Variants in PRKACB observed in about 807,000 individuals in gnomAD.
PRKACB encodes the protein protein kinase cAMP-activated catalytic subunit beta.
Under a neutral mutation model 51.4 loss-of-function variants are expected in PRKACB, and 16 were observed. That is an observed-to-expected ratio of 0.31 (90% confidence interval 0.21 to 0.47). The LOEUF is 0.47. PRKACB is among the 20% of genes least tolerant of loss of function. The pLI, the probability that PRKACB is intolerant of heterozygous loss-of-function variation, is 1.00. For missense variants in PRKACB, 309 were observed against 464.5 expected, an observed-to-expected ratio of 0.67 and a Z score of 3.08; for synonymous variants, 147 against 154.4, an observed-to-expected ratio of 0.95 and a Z score of 0.35.
At chr1:84,125,147 C>A (rs1651458182) in intron 1 of PRKACB, among the ~76,000 whole-genome samples, 1 of 152,138 alleles carries the variant, frequency 6.6e-6, no homozygotes, top group African/African-American at 2.4e-5. Flanking sequence ...GAATTTACTT[C>A]CAAGCTGATC....
At chr1:84,180,005 C>A (rs1490027307) in intron 2 of PRKACB, among the ~76,000 whole-genome samples, 1 of 138,030 alleles carries the variant, frequency 7.2e-6, no homozygotes, top group East Asian at 2.1e-4. Flanking sequence ...TCCATGTGTT[C>A]TCATTGTTCA....
chr1:84,164,273 A>G (rs1571928302), intron 1 of PRKACB: 2 of 1,479,160 alleles, frequency 1.4e-6, no homozygotes, highest in East Asian at 5.0e-5. Flanking sequence ...TCTCGGCAAT[A>G]AGATTCATCG....
In PRKACB at chr1:84,179,311, T is replaced by G. The variant is rs968068488; in HGVS notation, c.249+73T>G. On this transcript the variant is annotated intron_variant, in intron 2 of 9. Coordinates refer to ENST00000370685, the MANE Select transcript of PRKACB (RefSeq NM_182948.4). Reference sequence around the variant, plus strand: ...AAATCAGGATTCTTGCCTAAGAAATTTATTACTTTAGAAATTTTAATTTTC... The same window carrying G: ...AAATCAGGATTCTTGCCTAAGAAATGTATTACTTTAGAAATTTTAATTTTC... 7.3e-5 allele frequency: 105 copies of G among 1,434,424 alleles called. No individual in the cohort carries two copies. The East Asian group carries it at 2.4e-3, about 33-fold the overall frequency. 88.9% of individuals were successfully genotyped at this position (1,434,424 alleles called of 1,614,324 possible).
At chr1:84,230,238 G>GT (rs1675392459) in intron 9 of PRKACB, among the ~76,000 whole-genome samples, 1 of 148,414 alleles carries the variant, frequency 6.7e-6, no homozygotes, top group Admixed American at 6.7e-5. Context: ...AGATCAGATA[G>GT]TTGTAGATAT....
At chr1:84,228,275 T>G (rs1332732781) in intron 9 of PRKACB, among the ~76,000 whole-genome samples, 1 of 152,186 alleles carries the variant, frequency 6.6e-6, no homozygotes. Context: ...CTAGAAAATG[T>G]TTTAATGAAA....
chr1:84,122,574 T>A (rs1459649755), intron 1 of PRKACB, among the ~76,000 whole-genome samples: 1 of 152,196 alleles, frequency 6.6e-6, no homozygotes, highest in Admixed American at 6.6e-5. Context: ...TTAAAAGTTA[T>A]ATGAGATTTT....
chr1:84,192,557 G>A (rs1240287972), intron 5 of PRKACB, among the ~76,000 whole-genome samples: 1 of 152,102 alleles, frequency 6.6e-6, no homozygotes, highest in Non-Finnish European at 1.5e-5. Context: ...AAAGAGTTTA[G>A]TCTAGATTAG....
chr1:84,190,863 TTTG>T (rs1666561865), intron 5 of PRKACB, among the ~76,000 whole-genome samples: 1 of 152,122 alleles, frequency 6.6e-6, no homozygotes, highest in Admixed American at 6.6e-5. Flanking sequence ...CCTATTCTTT[TTTG>T]TTTTCCATTT....
In PRKACB at chr1:84,144,394, G is replaced by C. The variant is rs1653747760; in HGVS notation, c.33G>C (p.Gln11His). ...CTTATAGAGAACCACCTTGTAACCAGTATACAGGTACAACTACAGCTCTTC... is the reference window on the plus strand; with the variant it reads ...CTTATAGAGAACCACCTTGTAACCACTATACAGGTACAACTACAGCTCTTC... Reference protein sequence around the residue: MAAYREPPCNQYTGTTTALQK... With the variant: MAAYREPPCNHYTGTTTALQK... The change falls in exon 1 of 10, where the codon CAG becomes CAC. Residue 11 changes from glutamine to histidine, a missense_variant. Gln to His is a conservative substitution (Grantham distance 24). Around this residue, in one of 3 missense-constraint regions of PRKACB, gnomAD observed 153 missense variants for 190.2 expected, o/e 0.80. Coordinates refer to ENST00000370685, the MANE Select transcript of PRKACB (RefSeq NM_182948.4). 1 of 1,612,950 alleles carries C rather than the reference G, an allele frequency of 6.2e-7. No individual in the cohort carries two copies. Among genetic ancestry groups the C allele is most frequent in the Admixed American group, 1.7e-5 (1 of 59,792 alleles).
chr1:84,161,873 A>G (rs1656240060), intron 1 of PRKACB, among the ~76,000 whole-genome samples: 1 of 151,944 alleles, frequency 6.6e-6, no homozygotes, highest in Non-Finnish European at 1.5e-5. Flanking sequence ...AAAAATGTGT[A>G]TTTATATAGC....
chr1:84,081,653 C>G (rs1320624403), intron 1 of PRKACB, among the ~76,000 whole-genome samples: 1 of 152,110 alleles, frequency 6.6e-6, no homozygotes, highest in Non-Finnish European at 1.5e-5. Flanking sequence ...TCCTTTTACA[C>G]CAGCCCCAGT....
At chr1:84,212,803 A>T (rs1052609557) in intron 8 of PRKACB, among the ~76,000 whole-genome samples, 2 of 152,194 alleles carry the variant, frequency 1.3e-5, no homozygotes, top group African/African-American at 4.8e-5. Context: ...GTAGGTATTC[A>T]ATAAATAATT....
At chr1:84,131,929 T>G (rs181991790) in intron 1 of PRKACB, among the ~76,000 whole-genome samples, 8 of 152,330 alleles carry the variant, frequency 5.3e-5, no homozygotes, top group Non-Finnish European at 1.2e-4. Flanking sequence ...CCCCTCGTAG[T>G]TCTTGCAGAG....
chr1:84,213,072 G>T (rs2101570099), intron 8 of PRKACB, among the ~76,000 whole-genome samples: 1 of 152,244 alleles, frequency 6.6e-6, no homozygotes, highest in East Asian at 1.9e-4. Flanking sequence ...GAGAGTTTGG[G>T]GATGCGCCTC....
chr1:84,086,268 T>C lies in PRKACB; in HGVS notation c.46+7897T>C, dbSNP rs553281187. On this transcript the variant is annotated intron_variant, in intron 1 of 8. Transcript: ENST00000370688. ...ACAAGTCCTGGTTCCCTTGCCCCCA[T>C]GGGACCCCAGTAGAACTTGGCCCTT... 18 of 1,392,892 alleles carry C rather than the reference T, an allele frequency of 1.3e-5. No individual in the cohort carries two copies. The Admixed American group carries it at 2.9e-4, about 22-fold the overall frequency. The allele number at this position is 1,392,892 out of a possible 1,614,324, so 86.3% of individuals were successfully genotyped here. A position where few individuals can be genotyped will look rare whatever the true frequency, so the allele number is the denominator to read the frequency against.
chr1:84,133,141 G>A (rs868657274), intron 1 of PRKACB, among the ~76,000 whole-genome samples: 85 of 152,072 alleles, frequency 5.6e-4, no homozygotes, highest in African/African-American at 1.9e-3. Flanking sequence ...GCTTGGAGGG[G>A]AAAATAAAAA....
At position 84,226,267 on chromosome 1, in the gene PRKACB, G is replaced by GT. The variant is rs199877646; in HGVS notation, c.1072-8907dup. The stretch of plus-strand genomic sequence containing the variant: ...GATTAGACTTGCCAATGGTTTGTGG[G>GT]TTTTTTGTTTTTTTTTTTGGTCTCT... On this transcript the variant is annotated intron_variant, in intron 9 of 9. Coordinates refer to ENST00000370685, the MANE Select transcript of PRKACB (RefSeq NM_182948.4). Among the ~76,000 whole-genome samples, 152 of 80,204 alleles carry GT rather than the reference G, an allele frequency of 1.9e-3. 1 individual carries two copies. Among genetic ancestry groups the GT allele is most frequent in the Middle Eastern group, 0.012 (1 of 84 alleles). 52.6% of individuals were successfully genotyped at this position (80,204 alleles called of 152,430 possible).
At chr1:84,227,962 G>T (rs753157332) in intron 9 of PRKACB, among the ~76,000 whole-genome samples, 1 of 152,118 alleles carries the variant, frequency 6.6e-6, no homozygotes, top group Non-Finnish European at 1.5e-5. Flanking sequence ...AACTCAAACT[G>T]TACAATCATT....
Position 84,220,314 on chromosome 1 carries a change from C to T in PRKACB, c.1071+5997C>T, listed in dbSNP as rs116263013. On this transcript the variant is annotated intron_variant, in intron 9 of 9. Transcript: ENST00000370685. Reference sequence around the variant, plus strand: ...TTTTTTATGTTCATTTTGTATTCTGCACCTTTACTTATTTTTTTATGAGTT... The same window carrying T: ...TTTTTTATGTTCATTTTGTATTCTGTACCTTTACTTATTTTTTTATGAGTT... Among the ~76,000 whole-genome samples the T allele has an allele frequency of 2.3e-3, 344 of 152,024 alleles. 2 individuals are homozygous for T. Among genetic ancestry groups the T allele is most frequent in the African/African-American group, 7.9e-3 (328 of 41,482 alleles).
Sources: gnomAD v4.1 joint callset for allele counts (sites outside exome capture counted in the v4.1 genomes callset) on GRCh38, gnomAD v4.1.1 for gene constraint, gnomAD v4.1.1 regional missense constraint, MANE v1.5 for transcripts, NCBI Gene and HGNC (gene_info 2026-07-23, HGNC 2026-07-21) for gene names.